Variants in CCDC102B observed in about 807,000 individuals in gnomAD.
The protein encoded by CCDC102B is coiled-coil domain containing 102B.
In CCDC102B, 75 loss-of-function variants were observed where a neutral mutation model predicts 57.4. The ratio of observed to expected loss-of-function variants is 1.31; its 90% CI spans 1.08 to 1.58. CCDC102B has a LOEUF of 1.58. Ranked by LOEUF, CCDC102B falls within the 40% of genes most tolerant of loss-of-function variation. CCDC102B has a pLI of 0.00. For synonymous variants in CCDC102B, 206 were observed against 201.9 expected (o/e 1.02, Z -0.17); for missense variants, 636 against 582.6 (o/e 1.09, Z -0.94).
chr18:68,812,419 G>A lies in CCDC102B; in HGVS notation c.-16+14238G>A, dbSNP rs533254420. 5.9e-5 allele frequency among the ~76,000 whole-genome samples: 9 copies of A among 152,136 alleles called. No individual in the cohort carries two copies. The South Asian group carries it at 1.9e-3, about 32-fold the overall frequency. ...CCATGGTAATCATTTAGAAAATGTG[G>A]CTATATATGATTACTGGATTATGGT... On this transcript the variant is annotated intron_variant, in intron 1 of 7. Coordinates refer to ENST00000360242, the MANE Select transcript of CCDC102B (RefSeq NM_024781.3).
chr18:68,864,048 T>G (rs2038870811), intron 4 of CCDC102B, among the ~76,000 whole-genome samples: 1 of 152,000 alleles, frequency 6.6e-6, no homozygotes, highest in Non-Finnish European at 1.5e-5. Context: ...GCTACTGAGA[T>G]GGTCATTATT....
At chr18:69,009,924 ATTTTT>A (rs770668683) in intron 6 of CCDC102B, among the ~76,000 whole-genome samples, 4 of 33,530 alleles carry the variant, frequency 1.2e-4, no homozygotes, top group Non-Finnish European at 2.3e-4. Context: ...TTTAATAAAG[ATTTTT>A]TTTTTTTTTT....
intron 4 of CCDC102B, among the ~76,000 whole-genome samples, chr18:68,869,350 A>T (rs2156060): frequency 6.6e-6 from 1 of 152,092 alleles, no homozygotes; most frequent in South Asian, 2.1e-4. Context: ...CATTCTTTGC[A>T]TAAGCCCAAG....
At chr18:68,792,465 C>T (rs1308390248) in intron 2 of CCDC102B, among the ~76,000 whole-genome samples, 1 of 152,122 alleles carries the variant, frequency 6.6e-6, no homozygotes, top group African/African-American at 2.4e-5. Context: ...TTCATATTTA[C>T]AATATAAAAA....
At chr18:68,796,744 G>A (rs1487932741), upstream of CCDC102B, among the ~76,000 whole-genome samples, 2 of 151,996 alleles carry the variant, frequency 1.3e-5, 1 homozygote, top group Non-Finnish European at 2.9e-5. Flanking sequence ...CTTCATGTGG[G>A]CAGGGTTGTG....
intron 5 of CCDC102B, among the ~76,000 whole-genome samples, chr18:68,878,340 C>T (rs1033181728): frequency 6.6e-6 from 1 of 152,148 alleles, no homozygotes; most frequent in Admixed American, 6.5e-5. Flanking sequence ...CTAAATGATC[C>T]ACTCACCTCG....
In CCDC102B at chr18:68,863,645, G is replaced by A. The variant is rs75452055; in HGVS notation, c.937-11024G>A. 4.8e-3 allele frequency among the ~76,000 whole-genome samples: 725 copies of A among 151,740 alleles called. 6 individuals are homozygous for A. The highest frequency in any genetic ancestry group is 0.017 in the African/African-American group (691 of 41,406). ...ATAAATTTACATTCCCCCCAACCCC[G>A]CCATTTCTTTAACCAAGTAACAAAA... On this transcript the variant is annotated intron_variant, in intron 4 of 7. Transcript: ENST00000360242.
At chr18:68,909,932 G>T (rs2040779865) in intron 6 of CCDC102B, among the ~76,000 whole-genome samples, 1 of 152,124 alleles carries the variant, frequency 6.6e-6, no homozygotes, top group African/African-American at 2.4e-5. Flanking sequence ...TTACAGAAAT[G>T]CAAGATAAAA....
intron 6 of CCDC102B, among the ~76,000 whole-genome samples, chr18:68,961,056 C>T (rs2050036046): frequency 6.6e-6 from 1 of 152,118 alleles, no homozygotes; most frequent in African/African-American, 2.4e-5. Flanking sequence ...TCTTCCATGT[C>T]TTTGCCCCAG....
chr18:68,900,073 A>G (rs1224223683), intron 6 of CCDC102B: 1 of 152,162 alleles, frequency 6.6e-6, no homozygotes, highest in Non-Finnish European at 1.5e-5. Context: ...AAACCAATGT[A>G]ATAGACTTTT....
chr18:68,950,571 G>C (rs1013054267), intron 6 of CCDC102B, among the ~76,000 whole-genome samples: 1 of 151,994 alleles, frequency 6.6e-6, no homozygotes, highest in Non-Finnish European at 1.5e-5. Context: ...TTTCTAAAGT[G>C]TCTATTATAT....
chr18:69,041,105 G>C (rs1274411815), intron 7 of CCDC102B, among the ~76,000 whole-genome samples: 1 of 151,916 alleles, frequency 6.6e-6, no homozygotes, highest in Non-Finnish European at 1.5e-5. Flanking sequence ...TTTTATTATT[G>C]AGCAAAAAAA....
At chr18:68,857,549 A>G (rs2038535653) in intron 4 of CCDC102B, among the ~76,000 whole-genome samples, 1 of 150,042 alleles carries the variant, frequency 6.7e-6, no homozygotes, top group African/African-American at 2.5e-5. Context: ...CTCACTGCAG[A>G]TTCCTTTATC....
rs1555725392 is a variant in CCDC102B, at chr18:68,913,310, C to CTGTGTGTGTGAGTGTG, written c.1263+15892_1263+15893insAGTGTGTGTGTGTGTG. On this transcript the variant is annotated intron_variant, in intron 6 of 7. Coordinates refer to ENST00000360242, the MANE Select transcript of CCDC102B (RefSeq NM_024781.3). ...TAATTTTCCATTGGATGGTTAGTGT[C>CTGTGTGTGTGAGTGTG]TGTGTGTGTGTGTGTGTGTGTGTGT... Among the ~76,000 whole-genome samples the CTGTGTGTGTGAGTGTG allele has an allele frequency of 2.2e-5, 3 of 135,594 alleles. No homozygotes were observed. In the Admixed American group the frequency reaches 2.3e-4, roughly 10 times the overall value. 89.0% of individuals were successfully genotyped at this position (135,594 alleles called of 152,430 possible). A position where few individuals can be genotyped will look rare whatever the true frequency, so the allele number is the denominator to read the frequency against.
downstream of CCDC102B, among the ~76,000 whole-genome samples, chr18:69,056,651 A>G (rs3059271): frequency 6.8e-3 from 115 of 17,002 alleles, no homozygotes; most frequent in East Asian, 0.041. Flanking sequence ...ATAGATAGAT[A>G]GATAGATAGA....
intron 1 of CCDC102B, among the ~76,000 whole-genome samples, chr18:68,806,971 T>C (rs560039045): frequency 6.6e-6 from 1 of 152,242 alleles, no homozygotes; most frequent in South Asian, 2.1e-4. Flanking sequence ...TACTCCAGAA[T>C]ATAAACGGTT....
chr18:68,922,514 T>C (rs2041316961), intron 6 of CCDC102B, among the ~76,000 whole-genome samples: 1 of 152,158 alleles, frequency 6.6e-6, no homozygotes, highest in Non-Finnish European at 1.5e-5. Context: ...TCAGTTCAAA[T>C]GAAACAAGGT....
chr18:68,849,901 G>C (rs531146783), intron 4 of CCDC102B, among the ~76,000 whole-genome samples: 1 of 152,246 alleles, frequency 6.6e-6, no homozygotes, highest in South Asian at 2.1e-4. Flanking sequence ...CTGTCCTTCA[G>C]GTTCTCAGAG....
chr18:68,947,707 G>C (rs1476200168), intron 6 of CCDC102B, among the ~76,000 whole-genome samples: 3 of 152,058 alleles, frequency 2.0e-5, no homozygotes, highest in Non-Finnish European at 2.9e-5. Context: ...TCTGCAAGGA[G>C]AGCTTGGCAT....
Sources: allele counts gnomAD v4.1 joint callset (sites outside exome capture counted in the v4.1 genomes callset), GRCh38; gene constraint gnomAD v4.1.1; transcripts MANE v1.5; gene names NCBI Gene and HGNC (gene_info 2026-07-23, HGNC 2026-07-21).